The following TSPAN9 variants were observed in gnomAD, a reference collection of about 807,000 sequenced individuals.
TSPAN9 encodes the protein tetraspanin-9.
TSPAN9 carries 16 observed loss-of-function variants against 31.0 expected under a neutral mutation model. The observed-to-expected ratio is 0.52, with a 90% CI of 0.35 to 0.78. The LOEUF (loss-of-function observed/expected upper bound fraction) is 0.78. Among genes scored for constraint, TSPAN9 ranks in the 30% least tolerant of loss-of-function variants. The probability of loss-of-function intolerance (pLI) is 0.01; values close to 1 mark genes in which losing one functional copy is unlikely to be tolerated. For synonymous variants in TSPAN9, 145 were observed against 121.6 expected (o/e 1.19, Z -1.27); for missense variants, 272 against 312.5 (o/e 0.87, Z 0.98).
chr12:3,126,914 T>A (rs1295065825), intron 2 of TSPAN9, among the ~76,000 whole-genome samples: 2 of 151,828 alleles, frequency 1.3e-5, no homozygotes, highest in East Asian at 3.9e-4. Flanking sequence ...ACAAAAAAGA[T>A]TTAATTGACT....
At chr12:3,270,842 GACTC>G (rs763995070) in intron 3 of TSPAN9, among the ~76,000 whole-genome samples, 7 of 152,258 alleles carry the variant, frequency 4.6e-5, no homozygotes, top group Non-Finnish European at 8.8e-5. Flanking sequence ...ATTGTAACAG[GACTC>G]ACTCTCAACT....
chr12:3,109,268 CTGTGTGTGTGTGTG>C (rs1226380985), intron 2 of TSPAN9, among the ~76,000 whole-genome samples: 6 of 119,298 alleles, frequency 5.0e-5, no homozygotes, highest in African/African-American at 2.2e-4. Flanking sequence ...TTCATATAGT[CTGTGTGTGTGTGTG>C]TGTGTGTGTG....
chr12:3,139,595 G>T (rs993946672), intron 2 of TSPAN9, among the ~76,000 whole-genome samples: 2 of 152,090 alleles, frequency 1.3e-5, no homozygotes, highest in African/African-American at 2.4e-5. Flanking sequence ...TTGAGACAGG[G>T]TCTTGCTCTG....
Position 3,132,851 on chromosome 12 carries a change from C to T in TSPAN9, c.-18+49132C>T, listed in dbSNP as rs893691025. On this transcript the variant is annotated intron_variant, in intron 2 of 8. Transcript: ENST00000011898. The stretch of plus-strand genomic sequence containing the variant: ...CAGCCTCATCGTCCCCACCGCCCGC[C>T]TGTCAGGTAGGTCAGGGTGAGGACA... Among the ~76,000 whole-genome samples, 7 of 152,226 alleles carry T rather than the reference C, an allele frequency of 4.6e-5. No individual in the cohort carries two copies. In the South Asian group the frequency reaches 1.2e-3, roughly 27 times the overall value.
At chr12:3,087,662 C>T (rs749967857) in intron 2 of TSPAN9, among the ~76,000 whole-genome samples, 12 of 151,442 alleles carry the variant, frequency 7.9e-5, no homozygotes, top group Admixed American at 2.0e-4. Flanking sequence ...AAAAATTAGC[C>T]GGGCTTGGTG....
intron 2 of TSPAN9, among the ~76,000 whole-genome samples, chr12:3,185,069 TA>T (rs1415796298): frequency 7.2e-5 from 11 of 152,016 alleles, no homozygotes; most frequent in Non-Finnish European, 1.6e-4. Context: ...ATGATAAGAG[TA>T]GTGAAGACTG....
intron 2 of TSPAN9, among the ~76,000 whole-genome samples, chr12:3,182,864 C>T (rs971909987): frequency 6.6e-6 from 1 of 152,186 alleles, no homozygotes; most frequent in African/African-American, 2.4e-5. Context: ...GGCCACGCAG[C>T]CCTCCCTGAG....
chr12:3,154,231 C>G (rs2098341200), intron 2 of TSPAN9, among the ~76,000 whole-genome samples: 1 of 152,108 alleles, frequency 6.6e-6, no homozygotes. Flanking sequence ...GATCTTGGCC[C>G]AAGTCTGTTT....
chr12:3,156,308 G>A (rs376852572), intron 2 of TSPAN9, among the ~76,000 whole-genome samples: 21 of 152,190 alleles, frequency 1.4e-4, no homozygotes, highest in African/African-American at 5.1e-4. Context: ...TCCAGTGCTG[G>A]GCCTTTTGCT....
intron 2 of TSPAN9, among the ~76,000 whole-genome samples, chr12:3,157,002 A>G (rs2098342584): frequency 6.6e-6 from 1 of 152,186 alleles, no homozygotes; most frequent in East Asian, 1.9e-4. Flanking sequence ...GTACCTTTGC[A>G]GTATTGAGTA....
At chr12:3,259,781 G>A (rs116156273) in intron 3 of TSPAN9, among the ~76,000 whole-genome samples, 1,614 of 152,330 alleles carry the variant, frequency 0.011, 26 homozygotes, top group African/African-American at 0.037. Context: ...AGGTCTTGTC[G>A]GCCGTGGGAA....
At chr12:3,122,026 C>T (rs1408441878) in intron 2 of TSPAN9, among the ~76,000 whole-genome samples, 3 of 152,038 alleles carry the variant, frequency 2.0e-5, no homozygotes, top group South Asian at 2.1e-4. Flanking sequence ...CCCCTCCCCT[C>T]GTTTTTTGTC....
intron 1 of TSPAN9, among the ~76,000 whole-genome samples, chr12:3,081,527 A>T (rs532131515): frequency 6.6e-6 from 1 of 151,774 alleles, no homozygotes; most frequent in Admixed American, 6.6e-5. Flanking sequence ...TCCTCTCAAG[A>T]CCCTGGCATC....
chr12:3,097,151 C>T (rs2153964040), intron 2 of TSPAN9, among the ~76,000 whole-genome samples: 1 of 152,286 alleles, frequency 6.6e-6, no homozygotes, highest in Non-Finnish European at 1.5e-5. Flanking sequence ...GGCAGTTGAG[C>T]AGAGGAGGCT....
intron 2 of TSPAN9, among the ~76,000 whole-genome samples, chr12:3,089,125 G>C (rs748787783): frequency 1.3e-5 from 2 of 151,130 alleles, no homozygotes; most frequent in African/African-American, 4.9e-5. Context: ...CCAGCCACTC[G>C]GGAGGCTGAG....
intron 3 of TSPAN9, among the ~76,000 whole-genome samples, chr12:3,263,740 C>T (rs1466810304): frequency 6.6e-6 from 1 of 152,090 alleles, no homozygotes; most frequent in Non-Finnish European, 1.5e-5. Context: ...ACTAACAAGG[C>T]AGGAGAACGT....
In TSPAN9 at chr12:3,152,342, G is replaced by T. The variant is rs534465733; in HGVS notation, c.-17-48835G>T. On this transcript the variant is annotated intron_variant, in intron 2 of 8. Coordinates refer to ENST00000011898, the MANE Select transcript of TSPAN9 (RefSeq NM_006675.5). Reference sequence around the variant, plus strand: ...CCACAGGGTTTGGCCTGATGCCAGGGTGGGCTGGGATTTGGCATCCCACCG... The same window carrying T: ...CCACAGGGTTTGGCCTGATGCCAGGTTGGGCTGGGATTTGGCATCCCACCG... 4.3e-4 allele frequency among the ~76,000 whole-genome samples: 66 copies of T among 152,340 alleles called. 4 individuals carry two copies. In the South Asian group the frequency reaches 0.013, roughly 31 times the overall value.
At chr12:3,196,228 C>T (rs11062562) in intron 2 of TSPAN9, among the ~76,000 whole-genome samples, 29,131 of 152,178 alleles carry the variant, frequency 0.19, 3,568 homozygotes, top group South Asian at 0.28. Context: ...GACTAGATTA[C>T]GCTGCGTCTC....
intron 3 of TSPAN9, among the ~76,000 whole-genome samples, chr12:3,210,133 CAA>C (rs61255920): frequency 6.4e-4 from 91 of 141,190 alleles, no homozygotes; most frequent in Non-Finnish European, 7.4e-4. Context: ...GACTCCGTCT[CAA>C]AAAAAAAAAA....
Sources: allele counts gnomAD v4.1 joint callset (sites outside exome capture counted in the v4.1 genomes callset), GRCh38; gene constraint gnomAD v4.1.1; transcripts MANE v1.5; gene names NCBI Gene and HGNC (gene_info 2026-07-23, HGNC 2026-07-21).